MYDGF: variants seen among roughly 807,000 people sequenced by gnomAD.
MYDGF encodes myeloid-derived growth factor.
A neutral mutation model predicts 24.2 loss-of-function variants in MYDGF; 29 were observed. The ratio of observed to expected loss-of-function variants is 1.20; its 90% confidence interval spans 0.89 to 1.63. The LOEUF (loss-of-function observed/expected upper bound fraction) is 1.63. Ranked by LOEUF, MYDGF falls within the 40% of genes most tolerant of loss-of-function variation. The pLI, the probability that MYDGF is intolerant of heterozygous loss-of-function variation, is 0.00. For missense variants in MYDGF, 245 were observed against 234.8 expected (o/e 1.04, Z -0.29); for synonymous variants, 105 against 102.5 (o/e 1.02, Z -0.15).
At position 4,660,707 on chromosome 19, in the gene MYDGF, C is replaced by T; in HGVS notation, c.331G>A (p.Glu111Lys). Reference sequence around the variant, plus strand: ...TACTCAATCTCAGCGCCCCGCACCTCTGCCTTGAACTGTGTGAAGTACAGA... The same window carrying T: ...TACTCAATCTCAGCGCCCCGCACCTTTGCCTTGAACTGTGTGAAGTACAGA... Reference protein sequence around the residue: ...SYLYFTQFKAEVRGAEIEYAM... With the variant: ...SYLYFTQFKAKVRGAEIEYAM... Residue 111 changes from glutamate (E) to lysine (K), a missense_variant, in exon 4 of 6, where the codon GAG (glutamate) becomes AAG (lysine). Physicochemically the swap from Glu to Lys is moderately conservative, Grantham distance 56. Transcript: ENST00000262947. 6.2e-7 allele frequency: 1 copy of T among 1,614,146 alleles called. No homozygotes were observed. Among genetic ancestry groups the T allele is most frequent in the Non-Finnish European group, 8.5e-7 (1 of 1,180,014 alleles).
intron 5 of MYDGF, among the ~76,000 whole-genome samples, chr19:4,658,987 G>A (rs996544781): frequency 6.6e-6 from 1 of 151,980 alleles, no homozygotes; most frequent in Admixed American, 6.6e-5. Flanking sequence ...ATTTTTAGTA[G>A]AGAAGGGGTT....
chr19:4,668,767 G>A (rs1193179893), intron 1 of MYDGF, 122 bp from the exon 2 acceptor site: 11 of 743,942 alleles, frequency 1.5e-5, no homozygotes, highest in African/African-American at 3.5e-5. Flanking sequence ...CTGCAGCCTC[G>A]AACTCCCAGG....
In MYDGF at chr19:4,659,948, T is replaced by G; in HGVS notation, c.425A>C (p.Glu142Ala). 6 of 1,614,078 alleles carry G rather than the reference T, an allele frequency of 3.7e-6. No individual in the cohort carries two copies. Among genetic ancestry groups the G allele is most frequent in the Non-Finnish European group, 5.1e-6 (6 of 1,180,002 alleles). The change falls in exon 5 of 6, where the codon GAA becomes GCA. Residue 142 changes from glutamate (E) to alanine (A), a missense_variant. Physicochemically the swap from Glu to Ala is moderately radical, Grantham distance 107. Transcript: ENST00000262947. ...TTCCGTACCTGCTGTTTTGGTCACT[T>G]CAAATTCCTCAGTTTTCAGAGGGAC... ...SDVPLKTEEF[E>A]VTKTAVAHRP...
intron 5 of MYDGF, 49 bp from the exon 6 acceptor site, chr19:4,658,133 G>A: frequency 6.5e-7 from 1 of 1,538,938 alleles, no homozygotes; most frequent in South Asian, 1.2e-5. Flanking sequence ...AAAATTCTCA[G>A]AAGTCCGGAG....
At chr19:4,658,586 C>A (rs548026327) in intron 5 of MYDGF, among the ~76,000 whole-genome samples, 10 of 152,038 alleles carry the variant, frequency 6.6e-5, no homozygotes, top group African/African-American at 2.4e-4. Flanking sequence ...TTGGCTCCCA[C>A]CCTTGCCCCA....
At chr19:4,667,790 T>C (rs1476843886) in intron 2 of MYDGF, among the ~76,000 whole-genome samples, 1 of 151,974 alleles carries the variant, frequency 6.6e-6, no homozygotes, top group Non-Finnish European at 1.5e-5. Context: ...CTTGACCTCC[T>C]GGGCTCAAGC....
intron 2 of MYDGF, among the ~76,000 whole-genome samples, chr19:4,665,607 G>A (rs2088514164): frequency 6.6e-6 from 1 of 151,036 alleles, no homozygotes; most frequent in Non-Finnish European, 1.5e-5. Context: ...AGATCACGAG[G>A]TCAGGAGATC....
chr19:4,661,117 C>T (rs957901454), intron 3 of MYDGF, among the ~76,000 whole-genome samples: 37 of 152,150 alleles, frequency 2.4e-4, no homozygotes, highest in African/African-American at 8.0e-4. Flanking sequence ...CAGGCACCCG[C>T]GACCACATCT....
intron 2 of MYDGF, among the ~76,000 whole-genome samples, chr19:4,666,006 G>A (rs1192450586): frequency 6.6e-6 from 1 of 151,246 alleles, no homozygotes; most frequent in Non-Finnish European, 1.5e-5. Context: ...CGGTGGAGCT[G>A]CAACAGGTAC....
chr19:4,658,198 A>G, intron 5 of MYDGF, 114 bp from the exon 6 acceptor site: 1 of 804,606 alleles, frequency 1.2e-6, no homozygotes, highest in Non-Finnish European at 2.0e-6. Context: ...GCAGTCTCCA[A>G]AGCAGACTCC....
In MYDGF at chr19:4,664,923, A is replaced by G; in HGVS notation, c.240T>C (p.Ser80=). 6.2e-7 allele frequency: 1 copy of G among 1,612,512 alleles called. No individual in the cohort carries two copies. Among genetic ancestry groups the G allele is most frequent in the Non-Finnish European group, 8.5e-7 (1 of 1,179,716 alleles). ...GCTGGTGGTCTTCGCTGGTCCCCAGACTCATCTGCCATTGCTGGGGAGAGA... is the reference window on the plus strand; with the variant it reads ...GCTGGTGGTCTTCGCTGGTCCCCAGGCTCATCTGCCATTGCTGGGGAGAGA... ...QGGTNEQWQM[S]LGTSEDHQHF... is the part of the protein sequence containing the mutation. Residue 80 remains serine, a synonymous_variant, in exon 3 of 6, where the codon AGT becomes AGC. Coordinates refer to ENST00000262947, the MANE Select transcript of MYDGF (RefSeq NM_019107.4).
Position 4,660,855 on chromosome 19 carries a change from C to G in MYDGF, c.288-105G>C, listed in dbSNP as rs73535697. On this transcript the variant is annotated intron_variant, in intron 3 of 5. Coordinates refer to ENST00000262947, the MANE Select transcript of MYDGF (RefSeq NM_019107.4). Reference sequence around the variant, plus strand: ...GGGACTCGGGCTGGGGTCAGCAGGTCTCGTGCCTGCTTCTCAACATGGACG... The same window carrying G: ...GGGACTCGGGCTGGGGTCAGCAGGTGTCGTGCCTGCTTCTCAACATGGACG... The G allele has an allele frequency of 1.1e-3, 845 of 787,204 alleles. 6 individuals carry two copies. The African/African-American group carries it at 0.013, about 12-fold the overall frequency. 48.8% of individuals were successfully genotyped at this position (787,204 alleles called of 1,614,324 possible).
rs764203687 is a variant in MYDGF, at chr19:4,659,927, G to A, written c.442+4C>T. 11 of 1,613,456 alleles carry A rather than the reference G, an allele frequency of 6.8e-6. No individual in the cohort carries two copies. Among genetic ancestry groups the A allele is most frequent in the African/African-American group, 1.3e-5 (1 of 74,840 alleles). ...ACCTCTACCCCATCCCCATCTTTCC[G>A]TACCTGCTGTTTTGGTCACTTCAAA... is the stretch of plus-strand genomic sequence containing the variant. On this transcript the variant is annotated splice_donor_region_variant and intron_variant, in intron 5 of 5. Coordinates refer to ENST00000262947, the MANE Select transcript of MYDGF (RefSeq NM_019107.4).
intron 1 of MYDGF, 143 bp downstream of exon 1, chr19:4,670,018 C>T (rs939986671): frequency 3.1e-6 from 3 of 958,500 alleles, no homozygotes; most frequent in Non-Finnish European, 4.2e-6. Flanking sequence ...CCCCACTCAG[C>T]CTCCGACCCT....
intron 3 of MYDGF, among the ~76,000 whole-genome samples, chr19:4,664,645 C>A (rs1228086127): frequency 1.3e-5 from 2 of 152,204 alleles, no homozygotes; most frequent in Non-Finnish European, 2.9e-5. Flanking sequence ...CCCGCACAGG[C>A]TCCCCCCGTC....
intron 5 of MYDGF, among the ~76,000 whole-genome samples, chr19:4,659,313 T>A (rs1246422931): frequency 2.0e-5 from 3 of 152,194 alleles, no homozygotes; most frequent in African/African-American, 7.2e-5. Context: ...CTCAGCTCAC[T>A]GCAACCTCCA....
chr19:4,660,519 G>A, intron 4 of MYDGF, 150 bp downstream of exon 4: 1 of 685,552 alleles, frequency 1.5e-6, no homozygotes, highest in Non-Finnish European at 2.4e-6. Context: ...CTGTGTGCCA[G>A]GTTCCTGCAA....
rs1222564003 is a variant in MYDGF at position 4,668,462 on chromosome 19, T to G, written c.225+133A>C. On this transcript the variant is annotated intron_variant, in intron 2 of 5. Coordinates refer to ENST00000262947, the MANE Select transcript of MYDGF (RefSeq NM_019107.4). ...TTAATGCCAATACTCTCCCTTTTTA[T>G]TGGTTTAGGAAGAGTCATTCAATGA... The G allele has an allele frequency of 8.9e-6, 6 of 677,340 alleles. No individual in the cohort carries two copies. The East Asian group carries it at 1.7e-4, about 19-fold the overall frequency. 42.0% of individuals were successfully genotyped at this position (677,340 alleles called of 1,614,324 possible).
chr19:4,665,959 C>A (rs1175212940), intron 2 of MYDGF, among the ~76,000 whole-genome samples: 4 of 151,716 alleles, frequency 2.6e-5, no homozygotes, highest in African/African-American at 7.3e-5. Context: ...TGCTAACACA[C>A]CATATGGGTG....
Sources: gnomAD v4.1 joint callset for allele counts (sites outside exome capture counted in the v4.1 genomes callset) on GRCh38, gnomAD v4.1.1 for gene constraint, MANE v1.5 for transcripts, NCBI Gene and HGNC (gene_info 2026-07-23, HGNC 2026-07-21) for gene names.